The following CCAR1 variants were observed in gnomAD, a reference collection of about 807,000 sequenced individuals.
CCAR1 encodes the protein cell division cycle and apoptosis regulator 1, also known as cell division cycle and apoptosis regulator protein 1.
CCAR1 carries 78 observed loss-of-function variants against 163.8 expected under a neutral mutation model. The ratio of observed to expected loss-of-function variants is 0.48; its 90% CI spans 0.40 to 0.57. The LOEUF is 0.57. Among genes scored for constraint, CCAR1 ranks in the 20% least tolerant of loss-of-function variants. CCAR1 has a pLI of 0.00. For synonymous variants in CCAR1, 443 were observed against 460.7 expected (o/e 0.96, Z 0.49); for missense variants, 1,019 against 1,365.2 (o/e 0.75, Z 4.00).
In CCAR1 at chr10:68,791,287, G is replaced by A. The variant is rs550423436; in HGVS notation, c.*21G>A. The A allele has an allele frequency of 1.3e-6, 2 of 1,520,334 alleles. No homozygotes were observed. Among genetic ancestry groups the A allele is most frequent in the African/African-American group, 2.8e-5 (2 of 72,450 alleles). 94.2% of individuals were successfully genotyped at this position (1,520,334 alleles called of 1,614,324 possible). ...TATGATAAAATCCATGTAGTGATGA[G>A]GAATGGTGTTAAATAATGTAATATA... On this transcript the variant is annotated 3_prime_UTR_variant, in exon 25 of 25. Transcript: ENST00000265872.
intron 19 of CCAR1, among the ~76,000 whole-genome samples, chr10:68,781,955 T>C (rs2056741752): frequency 6.6e-6 from 1 of 152,130 alleles, no homozygotes; most frequent in African/African-American, 2.4e-5. Context: ...TGTTGAAAGT[T>C]GAGATAGGCC....
At chr10:68,782,026 A>G (rs2056742698) in intron 19 of CCAR1, among the ~76,000 whole-genome samples, 2 of 152,166 alleles carry the variant, frequency 1.3e-5, no homozygotes. Context: ...AAGTTATTGA[A>G]GGAAACTCAA....
At chr10:68,791,096 T>C (rs2056847583) in intron 24 of CCAR1, 111 bp from the exon 25 acceptor site, 1 of 538,484 alleles carries the variant, frequency 1.9e-6, no homozygotes. Flanking sequence ...TTTATTGTTC[T>C]TTATCACTAG....
chr10:68,760,109 G>A (rs948386225), intron 15 of CCAR1, among the ~76,000 whole-genome samples: 7 of 151,882 alleles, frequency 4.6e-5, no homozygotes, highest in Non-Finnish European at 7.4e-5. Flanking sequence ...TAGGATTACA[G>A]GCACGAGCCA....
rs573648515 is a variant in CCAR1 at position 68,776,433 on chromosome 10, GCGGATGCCTGTAATCC to G, written c.2650+3336_2650+3351del. Among the ~76,000 whole-genome samples the G allele has an allele frequency of 9.9e-5, 15 of 152,144 alleles. No individual in the cohort carries two copies. In the East Asian group the frequency reaches 2.9e-3, roughly 29 times the overall value. ...TACAAAAAATTAGCTGGGCGTGGTG[GCGGATGCCTGTAATCC>G]CAGCTACTTGGGAGGCTGAGGCAGG... On this transcript the variant is annotated intron_variant, in intron 19 of 24. Coordinates refer to ENST00000265872, the MANE Select transcript of CCAR1 (RefSeq NM_018237.4).
At chr10:68,771,578 T>C in intron 18 of CCAR1, 133 bp downstream of exon 18, 1 of 859,610 alleles carries the variant, frequency 1.2e-6, no homozygotes, top group Admixed American at 2.5e-5. Context: ...AATCAAGTCT[T>C]TGAGACCATC....
intron 16 of CCAR1, among the ~76,000 whole-genome samples, chr10:68,761,463 C>T (rs2056468936): frequency 1.3e-5 from 2 of 152,142 alleles, no homozygotes; most frequent in Admixed American, 6.6e-5. Context: ...CCCGCCACTA[C>T]GCCTGGCTAA....
chr10:68,726,243 C>T (rs954937229), intron 2 of CCAR1, among the ~76,000 whole-genome samples: 2 of 151,858 alleles, frequency 1.3e-5, no homozygotes. Context: ...GCTCCACCTC[C>T]TGGGTTCAAG....
At chr10:68,741,376 C>T (rs2056181969) in intron 5 of CCAR1, among the ~76,000 whole-genome samples, 1 of 152,130 alleles carries the variant, frequency 6.6e-6, no homozygotes, top group South Asian at 2.1e-4. Context: ...AAGTTTTGAA[C>T]TTTTCATATG....
At chr10:68,772,956 T>TA (rs1296563890) in intron 18 of CCAR1, 32 bp from the exon 19 acceptor site, 3 of 1,150,374 alleles carry the variant, frequency 2.6e-6, no homozygotes, top group African/African-American at 3.2e-5. Flanking sequence ...TAAAAATAAG[T>TA]AAATAAATAA....
intron 17 of CCAR1, among the ~76,000 whole-genome samples, chr10:68,766,401 C>T (rs1250310863): frequency 6.6e-6 from 1 of 151,878 alleles, no homozygotes; most frequent in Non-Finnish European, 1.5e-5. Flanking sequence ...CGGGGTTTCA[C>T]CATGTTGGCC....
At chr10:68,721,706 G>C (rs1343453297) in intron 1 of CCAR1, 1 of 350,760 alleles carries the variant, frequency 2.9e-6, no homozygotes, top group Non-Finnish European at 5.8e-6. Context: ...GCCATCGAGT[G>C]TCGTGGGGCG....
At chr10:68,742,027 ATAACACATTACTAGTATCTTAAGATAT>A (rs1482939702) in intron 5 of CCAR1, among the ~76,000 whole-genome samples, 1 of 152,220 alleles carries the variant, frequency 6.6e-6, no homozygotes, top group Non-Finnish European at 1.5e-5. Flanking sequence ...AAGTGTACCC[ATAACACATTACTAGTATCTTAAGATAT>A]TAAAGAAATT....
intron 17 of CCAR1, among the ~76,000 whole-genome samples, chr10:68,767,316 G>A (rs2056548089): frequency 6.6e-6 from 1 of 152,066 alleles, no homozygotes; most frequent in African/African-American, 2.4e-5. Context: ...TGCCCAGAAT[G>A]GAATACGATG....
intron 2 of CCAR1, among the ~76,000 whole-genome samples, chr10:68,731,660 A>G (rs2056041673): frequency 7.1e-6 from 1 of 139,928 alleles, no homozygotes; most frequent in Non-Finnish European, 1.5e-5. Context: ...CAGTGACACA[A>G]TCTCGGCTCA....
At chr10:68,771,517 A>G (rs560085608) in intron 18 of CCAR1, 72 bp downstream of exon 18, 3 of 1,346,502 alleles carry the variant, frequency 2.2e-6, no homozygotes, top group African/African-American at 1.5e-5. Context: ...GTTGATTTCC[A>G]TCAGAATATT....
chr10:68,736,684 G>A (rs188616331), intron 2 of CCAR1, among the ~76,000 whole-genome samples, 192 bp from the exon 3 acceptor site: 1 of 152,196 alleles, frequency 6.6e-6, no homozygotes, highest in Admixed American at 6.6e-5. Context: ...GTATTCCCTT[G>A]TGCATATATA....
At chr10:68,742,667 G>A in intron 6 of CCAR1, 98 bp downstream of exon 6, 1 of 982,230 alleles carries the variant, frequency 1.0e-6, no homozygotes, top group Non-Finnish European at 1.6e-6. Context: ...GCTGGACACA[G>A]TTGTGCAATC....
Position 68,755,668 on chromosome 10 carries a change from C to T in CCAR1, c.1625+132C>T, listed in dbSNP as rs770010907. The T allele has an allele frequency of 1.0e-4, 65 of 632,912 alleles. No individual in the cohort carries two copies. The Middle Eastern group carries it at 1.3e-3, about 13-fold the overall frequency. The allele number at this position is 632,912 out of a possible 1,614,324, so 39.2% of individuals were successfully genotyped here. Reference sequence around the variant, plus strand: ...ATGCAGGTAATCTCAAAGGAAAATCCCCATTTGTAGCTAAAGTTTATTTGG... The same window carrying T: ...ATGCAGGTAATCTCAAAGGAAAATCTCCATTTGTAGCTAAAGTTTATTTGG... On this transcript the variant is annotated intron_variant, in intron 13 of 24. Coordinates refer to ENST00000265872, the MANE Select transcript of CCAR1 (RefSeq NM_018237.4).
Sources: gnomAD v4.1 joint callset for allele counts (sites outside exome capture counted in the v4.1 genomes callset) on GRCh38, gnomAD v4.1.1 for gene constraint, MANE v1.5 for transcripts, NCBI Gene and HGNC (gene_info 2026-07-23, HGNC 2026-07-21) for gene names.